The following DAB1 variants were observed in gnomAD, a reference collection of about 807,000 sequenced individuals.
DAB1 encodes the protein DAB adaptor protein 1, also known as disabled homolog 1.
A neutral mutation model predicts 64.6 loss-of-function variants in DAB1; 15 were observed. That is an observed-to-expected ratio of 0.23 (90% confidence interval 0.16 to 0.36). The LOEUF (loss-of-function observed/expected upper bound fraction) is 0.36. Among genes scored for constraint, DAB1 ranks in the 10% least tolerant of loss-of-function variants. DAB1 has a pLI of 1.00. For synonymous variants in DAB1, 235 were observed against 251.9 expected, an observed-to-expected ratio of 0.93 and a Z score of 0.64; for missense variants, 596 against 706.7, an observed-to-expected ratio of 0.84 and a Z score of 1.78.
At chr1:57,060,574 T>C (rs957388994) in intron 9 of DAB1, among the ~76,000 whole-genome samples, 1 of 152,158 alleles carries the variant, frequency 6.6e-6, no homozygotes, top group African/African-American at 2.4e-5. Context: ...AGGGAAAAAG[T>C]GCTATTAGCA....
chr1:58,319,174 AG>A (rs2100482663), intron 4 of DAB1, among the ~76,000 whole-genome samples: 1 of 152,300 alleles, frequency 6.6e-6, no homozygotes, highest in African/African-American at 2.4e-5. Flanking sequence ...CACTTTGCTT[AG>A]ATGTCATCTA....
At chr1:57,761,430 G>A (rs568080285) in intron 6 of DAB1, among the ~76,000 whole-genome samples, 1 of 152,140 alleles carries the variant, frequency 6.6e-6, no homozygotes, top group Non-Finnish European at 1.5e-5. Flanking sequence ...TCATGATTAT[G>A]GGGCTTGGAT....
intron 7 of DAB1, among the ~76,000 whole-genome samples, chr1:57,571,022 T>C (rs1388340744): frequency 6.6e-6 from 1 of 152,240 alleles, no homozygotes; most frequent in Non-Finnish European, 1.5e-5. Flanking sequence ...CGTTGGTGTA[T>C]AGCAGAAGCT....
intron 2 of DAB1, among the ~76,000 whole-genome samples, chr1:57,184,980 A>G (rs1260395044): frequency 6.6e-6 from 1 of 152,032 alleles, no homozygotes; most frequent in Non-Finnish European, 1.5e-5. Flanking sequence ...GGATCACAAC[A>G]TTCGTAAACT....
At chr1:57,717,970 A>T (rs1271768033) in intron 6 of DAB1, among the ~76,000 whole-genome samples, 2 of 152,198 alleles carry the variant, frequency 1.3e-5, no homozygotes, top group East Asian at 3.9e-4. Flanking sequence ...TGTAGTGGAG[A>T]CCAGGAGAGA....
chr1:58,492,943 GC>G (rs1645724845), intron 3 of DAB1, among the ~76,000 whole-genome samples: 4 of 152,070 alleles, frequency 2.6e-5, no homozygotes, highest in Non-Finnish European at 5.9e-5. Flanking sequence ...TGATACCAAA[GC>G]CTGGCAGAGA....
rs113685535 is a variant in DAB1, at chr1:58,222,391, C to T, written n.310-71803G>A. Reference sequence around the variant, plus strand: ...ACAGATGGATGTTCATTGCACCAAGCCTGGGGCTTGTTTAACCTCCAATTC... The same window carrying T: ...ACAGATGGATGTTCATTGCACCAAGTCTGGGGCTTGTTTAACCTCCAATTC... On this transcript the variant is annotated intron_variant and non_coding_transcript_variant, in intron 4 of 20. Transcript: ENST00000485760. 7.9e-3 allele frequency among the ~76,000 whole-genome samples: 1,210 copies of T among 152,282 alleles called. 21 individuals are homozygous for T. Among genetic ancestry groups the T allele is most frequent in the African/African-American group, 0.026 (1,099 of 41,564 alleles).
chr1:58,308,812 A>G (rs1049333976), intron 4 of DAB1, among the ~76,000 whole-genome samples: 1 of 152,112 alleles, frequency 6.6e-6, no homozygotes, highest in African/African-American at 2.4e-5. Context: ...CTCCTTTACT[A>G]CCTAGAGCTG....
chr1:58,240,546 A>G (rs1660247743), intron 4 of DAB1, among the ~76,000 whole-genome samples: 1 of 152,248 alleles, frequency 6.6e-6, no homozygotes, highest in Non-Finnish European at 1.5e-5. Context: ...AAGCCACTTT[A>G]TTTAAAATCT....
At chr1:57,302,899 T>C (rs1673785041) in intron 1 of DAB1, among the ~76,000 whole-genome samples, 1 of 152,198 alleles carries the variant, frequency 6.6e-6, no homozygotes, top group Non-Finnish European at 1.5e-5. Context: ...GCACGCTATT[T>C]AACTCCCCCA....
chr1:57,165,494 C>T (rs1661142229), intron 2 of DAB1, among the ~76,000 whole-genome samples: 2 of 152,166 alleles, frequency 1.3e-5, no homozygotes, highest in Admixed American at 1.3e-4. Flanking sequence ...ATTCAGTCAA[C>T]ATTTTGTGAG....
chr1:57,472,387 T>C (rs760021953), intron 7 of DAB1, among the ~76,000 whole-genome samples: 3 of 152,216 alleles, frequency 2.0e-5, no homozygotes, highest in African/African-American at 4.8e-5. Flanking sequence ...CATATTGTCT[T>C]ATGCCCAATT....
intron 4 of DAB1, among the ~76,000 whole-genome samples, chr1:57,074,164 C>G (rs371824679): frequency 6.6e-6 from 1 of 152,124 alleles, no homozygotes; most frequent in Non-Finnish European, 1.5e-5. Flanking sequence ...ACCACTGCAC[C>G]GGCCATTTAT....
chr1:58,140,676 G>A (rs1286457325), intron 5 of DAB1, among the ~76,000 whole-genome samples: 1 of 152,156 alleles, frequency 6.6e-6, no homozygotes, highest in Non-Finnish European at 1.5e-5. Context: ...AGTAGAGACT[G>A]TGTTCATTTT....
intron 6 of DAB1, among the ~76,000 whole-genome samples, chr1:57,688,007 A>G (rs546817791): frequency 1.8e-4 from 28 of 152,290 alleles, no homozygotes; most frequent in African/African-American, 6.7e-4. Context: ...GCCTTGACAA[A>G]TAATTTTTGG....
chr1:58,369,606 C>G (rs541115651), intron 3 of DAB1, among the ~76,000 whole-genome samples: 1 of 152,178 alleles, frequency 6.6e-6, no homozygotes, highest in Non-Finnish European at 1.5e-5. Flanking sequence ...TAGCCACATG[C>G]CTAGCATGGG....
intron 2 of DAB1, among the ~76,000 whole-genome samples, chr1:57,176,819 G>A (rs1215463084): frequency 6.6e-6 from 1 of 151,864 alleles, no homozygotes; most frequent in African/African-American, 2.4e-5. Flanking sequence ...AAGGTCACAG[G>A]GGCAGGATGA....
chr1:58,446,189 T>G (rs1222707427), intron 3 of DAB1, among the ~76,000 whole-genome samples: 1 of 152,240 alleles, frequency 6.6e-6, no homozygotes, highest in Non-Finnish European at 1.5e-5. Context: ...TGATTTCGTC[T>G]TGTGCACTAG....
intron 2 of DAB1, among the ~76,000 whole-genome samples, chr1:58,520,777 A>G (rs1339521193): frequency 6.6e-6 from 1 of 152,202 alleles, no homozygotes; most frequent in Non-Finnish European, 1.5e-5. Flanking sequence ...TCTAACAAGT[A>G]TGTATATTAA....
Sources: allele counts gnomAD v4.1 joint callset (sites outside exome capture counted in the v4.1 genomes callset), GRCh38; gene constraint gnomAD v4.1.1; transcripts MANE v1.5; gene names NCBI Gene and HGNC (gene_info 2026-07-23, HGNC 2026-07-21).